MS4A6E: variants seen among roughly 807,000 people sequenced by gnomAD.
The protein encoded by MS4A6E is membrane-spanning 4-domains subfamily A member 6E.
In MS4A6E, 8 loss-of-function variants were observed where a neutral mutation model predicts 13.2. That is an observed-to-expected ratio of 0.60 (90% CI 0.35 to 1.09). The LOEUF is 1.09. Among genes scored for constraint, MS4A6E ranks in the 50% least tolerant of loss-of-function variants. The pLI is 0.02. For synonymous variants in MS4A6E, 72 were observed against 67.6 expected (o/e 1.06, Z -0.32); for missense variants, 177 against 171.1 (o/e 1.03, Z -0.19).
chr11:60,343,397 A>G (rs56180840), downstream of MS4A6E, among the ~76,000 whole-genome samples: 51,557 of 152,018 alleles, frequency 0.34, 9,656 homozygotes, highest in African/African-American at 0.51. Flanking sequence ...TTATAATTAG[A>G]CAGAATATTA....
chr11:60,332,917 T>C (rs2085166047), intron 1 of MS4A6E, among the ~76,000 whole-genome samples: 1 of 152,242 alleles, frequency 6.6e-6, no homozygotes, highest in African/African-American at 2.4e-5. Flanking sequence ...GATGACTCTT[T>C]CTAGCTGTTG....
At chr11:60,347,222 T>G (rs1163653803) in intron 4 of MS4A6E, among the ~76,000 whole-genome samples, 1 of 152,172 alleles carries the variant, frequency 6.6e-6, no homozygotes, top group Non-Finnish European at 1.5e-5. Context: ...GCTTTAGTTT[T>G]GGGGAATCAT....
intron 3 of MS4A6E, 139 bp downstream of exon 3, chr11:60,338,086 AG>A (rs1158747601): frequency 4.0e-6 from 3 of 746,270 alleles, no homozygotes; most frequent in Admixed American, 5.4e-5. Context: ...TGTAAATCAA[AG>A]GGGGGCTGCA....
intron 1 of MS4A6E, among the ~76,000 whole-genome samples, chr11:60,331,741 T>C (rs909054994): frequency 1.3e-4 from 20 of 152,340 alleles, no homozygotes; most frequent in African/African-American, 4.3e-4. Flanking sequence ...GAAATTCATA[T>C]GTTAAAATTC....
At chr11:60,348,147 T>C (rs529413870) in intron 4 of MS4A6E, among the ~76,000 whole-genome samples, 1 of 152,248 alleles carries the variant, frequency 6.6e-6, no homozygotes, top group East Asian at 1.9e-4. Flanking sequence ...TGGAGGACAT[T>C]TTTCTCCTAA....
intron 1 of MS4A6E, among the ~76,000 whole-genome samples, chr11:60,332,934 C>T (rs1255527894): frequency 3.3e-5 from 5 of 152,240 alleles, no homozygotes; most frequent in Admixed American, 6.5e-5. Flanking sequence ...GTTGATTCCT[C>T]CTCCTCACAA....
Position 60,339,876 on chromosome 11 carries a change from CT to C in MS4A6E, c.366del (p.Leu123Ter). 2 of 1,613,646 alleles carry C rather than the reference CT, an allele frequency of 1.2e-6. No individual in the cohort carries two copies. The highest frequency in any genetic ancestry group is 1.7e-6 in the Non-Finnish European group (2 of 1,179,662). On this transcript the variant is annotated frameshift_variant, in exon 4 of 5. Coordinates refer to ENST00000684409, the MANE Select transcript of MS4A6E (RefSeq NM_139249.4). LOFTEE classifies it high-confidence loss of function. ...RAKASLAGTL[S>X]LMLVSTVLEF... is the part of the protein sequence containing the mutation. ...TTTCTTGACTTTCAGGGAACTCTGT[CT>C]CTGATGCTGGTTTCTACTGTGTTGG...
intron 3 of MS4A6E, chr11:60,338,494 T>C (rs998003990): frequency 2.6e-5 from 4 of 152,784 alleles, no homozygotes; most frequent in African/African-American, 7.2e-5. Flanking sequence ...AACATTATTA[T>C]TGCTTTTTGT....
chr11:60,339,797 A>T, intron 3 of MS4A6E, 69 bp from the exon 4 acceptor site: 1 of 1,341,782 alleles, frequency 7.5e-7, no homozygotes, highest in Non-Finnish European at 1.1e-6. Flanking sequence ...CTCTATGGTC[A>T]CCTCTAAACT....
intron 3 of MS4A6E, among the ~76,000 whole-genome samples, 171 bp downstream of exon 3, chr11:60,338,118 A>T (rs1448819098): frequency 1.3e-5 from 2 of 152,238 alleles, no homozygotes; most frequent in Non-Finnish European, 2.9e-5. Flanking sequence ...TAAGGGGATT[A>T]CATACTAACA....
chr11:60,342,144 A>AGTGTGTGTGTGT (rs757687887), downstream of MS4A6E, among the ~76,000 whole-genome samples: 7 of 125,408 alleles, frequency 5.6e-5, no homozygotes, highest in African/African-American at 1.9e-4. Flanking sequence ...AGGATAAACA[A>AGTGTGTGTGTGT]GTGTGTGTGT....
downstream of MS4A6E, among the ~76,000 whole-genome samples, chr11:60,341,615 G>A (rs933398008): frequency 6.6e-6 from 1 of 151,780 alleles, no homozygotes; most frequent in East Asian, 1.9e-4. Context: ...ACACACACAC[G>A]TGTAAAAAAG....
chr11:60,345,170 G>A (rs545760779), downstream of MS4A6E, among the ~76,000 whole-genome samples: 17 of 152,078 alleles, frequency 1.1e-4, no homozygotes, highest in Non-Finnish European at 1.8e-4. Context: ...TCCTGATCTT[G>A]TGATCCACCC....
chr11:60,345,865 G>A (rs1415507545), downstream of MS4A6E, among the ~76,000 whole-genome samples: 1 of 152,224 alleles, frequency 6.6e-6, no homozygotes, highest in African/African-American at 2.4e-5. Context: ...CAACTAAGGG[G>A]TTGAGAAAAA....
intron 1 of MS4A6E, among the ~76,000 whole-genome samples, chr11:60,333,133 T>G (rs1217513227): frequency 6.6e-6 from 1 of 152,260 alleles, no homozygotes; most frequent in Admixed American, 6.5e-5. Flanking sequence ...ATCCCTTGAA[T>G]GCTGGAATAG....
intron 2 of MS4A6E, among the ~76,000 whole-genome samples, chr11:60,336,561 T>C (rs562501290): frequency 6.6e-6 from 1 of 152,280 alleles, no homozygotes; most frequent in African/African-American, 2.4e-5. Flanking sequence ...CCAGCCCTTT[T>C]TGAGATTGAA....
chr11:60,329,842 T>C (rs1157613444), intron 1 of MS4A6E, among the ~76,000 whole-genome samples: 3 of 127,462 alleles, frequency 2.4e-5, no homozygotes, highest in Admixed American at 8.3e-5. Context: ...TTTTTTTTTT[T>C]TGAGATAGAA....
At chr11:60,327,731 T>C (rs1398866323) in intron 1 of MS4A6E, among the ~76,000 whole-genome samples, 2 of 151,920 alleles carry the variant, frequency 1.3e-5, no homozygotes, top group Non-Finnish European at 2.9e-5. Context: ...TGAGAAATAA[T>C]TAAAAACTGG....
At chr11:60,343,880 A>G (rs2085244140), downstream of MS4A6E, among the ~76,000 whole-genome samples, 1 of 152,180 alleles carries the variant, frequency 6.6e-6, no homozygotes, top group South Asian at 2.1e-4. Context: ...AGGAATTAAT[A>G]CCTGTAACTT....
Sources: gnomAD v4.1 joint callset for allele counts (sites outside exome capture counted in the v4.1 genomes callset) on GRCh38, gnomAD v4.1.1 for gene constraint, MANE v1.5 for transcripts, NCBI Gene and HGNC (gene_info 2026-07-23, HGNC 2026-07-21) for gene names.